PLEKHG3: variants seen among roughly 807,000 people sequenced by gnomAD.
PLEKHG3 encodes the protein pleckstrin homology domain-containing family G member 3.
PLEKHG3 carries 62 observed loss-of-function variants against 94.9 expected under a neutral mutation model. The ratio of observed to expected loss-of-function variants is 0.65; its 90% CI spans 0.53 to 0.81. The LOEUF (loss-of-function observed/expected upper bound fraction) is 0.81, where lower values mean the gene tolerates loss of function less well. Among genes scored for constraint, PLEKHG3 ranks in the 30% least tolerant of loss-of-function variants. The probability of loss-of-function intolerance (pLI) is 0.00; values close to 1 mark genes in which losing one functional copy is unlikely to be tolerated. For synonymous variants in PLEKHG3, 614 were observed against 654.0 expected, an observed-to-expected ratio of 0.94 and a Z score of 0.93; for missense variants, 1,461 against 1,619.3, an observed-to-expected ratio of 0.90 and a Z score of 1.68.
rs1253264339 is a variant in PLEKHG3 at position 64,721,091 on chromosome 14, G to A, written c.-39-6502G>A. On this transcript the variant is annotated intron_variant, in intron 1 of 16. Transcript: ENST00000247226. This position sits in a 1 kb window ranked among gnomAD's most constrained non-coding sequence, Gnocchi z 4.3. ...TCTATGTGTCCCTTTTGCCATATAA[G>A]GTGACATTCATAGGTTGAGGGTCAG... is the stretch of plus-strand genomic sequence containing the variant. 6.6e-6 allele frequency among the ~76,000 whole-genome samples: 1 copy of A among 152,192 alleles called. No individual in the cohort carries two copies. The highest frequency in any genetic ancestry group is 2.4e-5 in the African/African-American group (1 of 41,438).
chr14:64,737,025 T>C (rs2081584668), intron 13 of PLEKHG3, 134 bp downstream of exon 13: 3 of 766,068 alleles, frequency 3.9e-6, no homozygotes, highest in African/African-American at 3.4e-5. Context: ...TCTGCCTCCA[T>C]TCCCCCCAGA....
intron 1 of PLEKHG3, among the ~76,000 whole-genome samples, chr14:64,707,956 G>T (rs1404839306): frequency 1.3e-5 from 2 of 152,246 alleles, no homozygotes; most frequent in Non-Finnish European, 2.9e-5. Flanking sequence ...GCTTAGCAAA[G>T]ACTATAGAGA....
chr14:64,737,218 G>A lies in PLEKHG3; in HGVS notation c.1385-138G>A, dbSNP rs2081588621. ...TTGAAAGCCCAGGAGACTAGGTGAG[G>A]GTTCTGGGAGCAGGAGCCCCCAGTG... On this transcript the variant is annotated intron_variant, in intron 13 of 16. Transcript: ENST00000247226. 4 of 708,388 alleles carry A rather than the reference G, an allele frequency of 5.6e-6. No homozygotes were observed. The Admixed American group carries it at 6.7e-5, about 12-fold the overall frequency. 43.9% of individuals were successfully genotyped at this position (708,388 alleles called of 1,614,324 possible). A position where few individuals can be genotyped will look rare whatever the true frequency, so the allele number is the denominator to read the frequency against.
At chr14:64,705,796 A>C (rs1471510661) in intron 1 of PLEKHG3, among the ~76,000 whole-genome samples, 1 of 152,190 alleles carries the variant, frequency 6.6e-6, no homozygotes, top group Non-Finnish European at 1.5e-5. Context: ...TGGGATCCTG[A>C]GTGATTAAAC....
rs1298024388 is a variant in PLEKHG3, at chr14:64,732,196, C to T, written c.1212+15C>T. The T allele has an allele frequency of 1.9e-6, 3 of 1,602,252 alleles. No homozygotes were observed. Among genetic ancestry groups the T allele is most frequent in the Non-Finnish European group, 2.6e-6 (3 of 1,169,192 alleles). Reference sequence around the variant, plus strand: ...TTCCCCAGAAGGTGAGTTCCCCCAGCTCCTGACTGTGTGCAAGGAGAATGT... The same window carrying T: ...TTCCCCAGAAGGTGAGTTCCCCCAGTTCCTGACTGTGTGCAAGGAGAATGT... On this transcript the variant is annotated intron_variant, in intron 10 of 16. Coordinates refer to ENST00000247226, the MANE Select transcript of PLEKHG3 (RefSeq NM_001308147.2). The surrounding 1 kb of genome is among the most constrained non-coding windows in gnomAD (Gnocchi z 4.9).
Position 64,749,296 on chromosome 14 carries a change from GCCCCAC to G in PLEKHG3, c.*5595_*5600del. 1.3e-6 allele frequency: 2 copies of G among 1,590,818 alleles called. No individual in the cohort carries two copies. Among genetic ancestry groups the G allele is most frequent in the Non-Finnish European group, 1.7e-6 (2 of 1,171,322 alleles). On this transcript the variant is annotated 3_prime_UTR_variant, in exon 17 of 17. Transcript: ENST00000247226. This position sits in a 1 kb window ranked among gnomAD's most constrained non-coding sequence, Gnocchi z 4.7. ...CGTCCCGACTCCGCCGCGCCCGCCA[GCCCCAC>G]CTGCTACTTCTTTTTGGGGAAGAAG...
rs1394298379 is a variant in PLEKHG3 at position 64,715,829 on chromosome 14, T to G, written c.-40+11125T>G. The stretch of plus-strand genomic sequence containing the variant: ...GCAGAATTGTGTCGGGAAGTTGCAT[T>G]TCCTGGGCTAGGGCCCCCCAGCAAT... On this transcript the variant is annotated intron_variant, in intron 1 of 16. Coordinates refer to ENST00000247226, the MANE Select transcript of PLEKHG3 (RefSeq NM_001308147.2). The surrounding 1 kb of genome is among the most constrained non-coding windows in gnomAD (Gnocchi z 4.4). The G allele has an allele frequency of 2.9e-6, 1 of 341,400 alleles. No individual in the cohort carries two copies. Among genetic ancestry groups the G allele is most frequent in the Non-Finnish European group, 5.8e-6 (1 of 172,618 alleles). The allele number at this position is 341,400 out of a possible 1,614,324, so 21.1% of individuals were successfully genotyped here.
At chr14:64,724,890 G>A (rs1473635020) in intron 1 of PLEKHG3, among the ~76,000 whole-genome samples, 1 of 152,224 alleles carries the variant, frequency 6.6e-6, no homozygotes, top group Non-Finnish European at 1.5e-5. Context: ...TGTATAAAAT[G>A]AGGGTAGTAA....
At chr14:64,736,777 C>T (rs945962198) in intron 12 of PLEKHG3, 76 bp from the exon 13 acceptor site, 108 of 1,042,488 alleles carry the variant, frequency 1.0e-4, no homozygotes, top group Non-Finnish European at 7.0e-5. Context: ...GGGCTGGTGG[C>T]GCTGTGAGCT....
rs1191221511 is a variant in PLEKHG3 at position 64,730,183 on chromosome 14, C to T, written c.450-60C>T. Reference sequence around the variant, plus strand: ...AGGGTTTGGGAGGTTGGGGAGGGGGCAGTGAGGGGCATTGTCCTCTGACTG... The same window carrying T: ...AGGGTTTGGGAGGTTGGGGAGGGGGTAGTGAGGGGCATTGTCCTCTGACTG... On this transcript the variant is annotated intron_variant, in intron 3 of 16. Coordinates refer to ENST00000247226, the MANE Select transcript of PLEKHG3 (RefSeq NM_001308147.2). This position sits in a 1 kb window ranked among gnomAD's most constrained non-coding sequence, Gnocchi z 5.4. 1.9e-5 allele frequency: 17 copies of T among 882,568 alleles called. No homozygotes were observed. The highest frequency in any genetic ancestry group is 3.1e-5 in the Non-Finnish European group (17 of 552,126). The allele number at this position is 882,568 out of a possible 1,614,324, so 54.7% of individuals were successfully genotyped here. A position where few individuals can be genotyped will look rare whatever the true frequency, so the allele number is the denominator to read the frequency against.
Position 64,717,148 on chromosome 14 carries a change from T to A in PLEKHG3, c.-39-10445T>A, listed in dbSNP as rs949967227. Among the ~76,000 whole-genome samples, 21 of 151,594 alleles carry A rather than the reference T, an allele frequency of 1.4e-4. No individual in the cohort carries two copies. Among genetic ancestry groups the A allele is most frequent in the South Asian group, 4.1e-4 (2 of 4,820 alleles). On this transcript the variant is annotated intron_variant, in intron 1 of 16. Coordinates refer to ENST00000247226, the MANE Select transcript of PLEKHG3 (RefSeq NM_001308147.2). The surrounding 1 kb of genome is among the most constrained non-coding windows in gnomAD (Gnocchi z 4.7). ...GTGTGTGTGTGTGTGTGTGTGTGTG[T>A]GAGTCCATAAGGTCTGCTTTGGAAA...
rs1431103191 is a variant in PLEKHG3, at chr14:64,720,279, T to A, written c.-39-7314T>A. Among the ~76,000 whole-genome samples the A allele has an allele frequency of 6.6e-6, 1 of 152,240 alleles. No homozygotes were observed. The highest frequency in any genetic ancestry group is 1.5e-5 in the Non-Finnish European group (1 of 68,046). ...GCAGCTATGCCGTGCTCTAGCTCCCTGTCTGGGGCCAAGTAGGATGGGACT... is the reference window on the plus strand; with the variant it reads ...GCAGCTATGCCGTGCTCTAGCTCCCAGTCTGGGGCCAAGTAGGATGGGACT... On this transcript the variant is annotated intron_variant, in intron 1 of 16. Transcript: ENST00000247226. The surrounding 1 kb of genome is among the most constrained non-coding windows in gnomAD (Gnocchi z 4.1).
Position 64,732,738 on chromosome 14 carries a change from A to G in PLEKHG3, c.1247-65A>G. ...TATAGAGGTCTGGCTGGTTATGGAC[A>G]GGGTCTAGGGTAGGCCAAGGCCAAT... is the stretch of plus-strand genomic sequence containing the variant. On this transcript the variant is annotated intron_variant, in intron 11 of 16. Coordinates refer to ENST00000247226, the MANE Select transcript of PLEKHG3 (RefSeq NM_001308147.2). The surrounding 1 kb of genome is among the most constrained non-coding windows in gnomAD (Gnocchi z 4.9). 8.0e-7 allele frequency: 1 copy of G among 1,248,828 alleles called. No individual in the cohort carries two copies. The highest frequency in any genetic ancestry group is 1.5e-5 in the African/African-American group (1 of 67,792). The allele number at this position is 1,248,828 out of a possible 1,614,324, so 77.4% of individuals were successfully genotyped here.
rs568505711 is a variant in PLEKHG3 at position 64,718,277 on chromosome 14, G to C, written c.-39-9316G>C. Among the ~76,000 whole-genome samples the C allele has an allele frequency of 6.6e-6, 1 of 152,162 alleles. No homozygotes were observed. The highest frequency in any genetic ancestry group is 1.5e-5 in the Non-Finnish European group (1 of 68,024). On this transcript the variant is annotated intron_variant, in intron 1 of 16. Transcript: ENST00000247226. The surrounding 1 kb of genome is among the most constrained non-coding windows in gnomAD (Gnocchi z 5.0). ...GGCCATTTTTCCTTCTGAAGTTCAA[G>C]TTCTTCAAAGACAGGGACAATGTCT...
intron 12 of PLEKHG3, among the ~76,000 whole-genome samples, chr14:64,735,124 T>G (rs2081545995): frequency 6.6e-6 from 1 of 152,316 alleles, no homozygotes; most frequent in Admixed American, 6.5e-5. Flanking sequence ...GAGTTAATGC[T>G]ACAGCATCAC....
At chr14:64,709,125 A>G (rs998605128) in intron 1 of PLEKHG3, among the ~76,000 whole-genome samples, 4 of 152,322 alleles carry the variant, frequency 2.6e-5, no homozygotes, top group East Asian at 1.9e-4. Context: ...CTGGGTTGCT[A>G]TCTGGGGACA....
Position 64,749,680 on chromosome 14 carries a change from C to G in PLEKHG3, c.*5977C>G. 1 of 1,613,856 alleles carries G rather than the reference C, an allele frequency of 6.2e-7. No homozygotes were observed. Among genetic ancestry groups the G allele is most frequent in the Non-Finnish European group, 8.5e-7 (1 of 1,179,978 alleles). On this transcript the variant is annotated 3_prime_UTR_variant, in exon 17 of 17. Coordinates refer to ENST00000247226, the MANE Select transcript of PLEKHG3 (RefSeq NM_001308147.2). The surrounding 1 kb of genome is among the most constrained non-coding windows in gnomAD (Gnocchi z 4.7). ...TCATCCTTGCCATGGAAGAGCCACT[C>G]GCTGCCATTACTCAGCCTAGGAGGA...
At chr14:64,711,057 C>T (rs953893580) in intron 1 of PLEKHG3, among the ~76,000 whole-genome samples, 1 of 152,198 alleles carries the variant, frequency 6.6e-6, no homozygotes, top group African/African-American at 2.4e-5. Context: ...AATAATATCA[C>T]TAATCCTTTA....
Position 64,749,704 on chromosome 14 carries a change from G to A in PLEKHG3, c.*6001G>A, listed in dbSNP as rs919844077. Reference sequence around the variant, plus strand: ...TCGCTGCCATTACTCAGCCTAGGAGGACAAAGGGTTTCCTGTCATGGAGAC... The same window carrying A: ...TCGCTGCCATTACTCAGCCTAGGAGAACAAAGGGTTTCCTGTCATGGAGAC... On this transcript the variant is annotated 3_prime_UTR_variant, in exon 17 of 17. Coordinates refer to ENST00000247226, the MANE Select transcript of PLEKHG3 (RefSeq NM_001308147.2). This position sits in a 1 kb window ranked among gnomAD's most constrained non-coding sequence, Gnocchi z 4.7. 6.2e-7 allele frequency: 1 copy of A among 1,613,638 alleles called. No individual in the cohort carries two copies. The highest frequency in any genetic ancestry group is 8.5e-7 in the Non-Finnish European group (1 of 1,179,872).
Sources: gnomAD v4.1 joint callset for allele counts (sites outside exome capture counted in the v4.1 genomes callset) on GRCh38, gnomAD v4.1.1 for gene constraint, Gnocchi (gnomAD v3.1) non-coding constraint, MANE v1.5 for transcripts, NCBI Gene and HGNC (gene_info 2026-07-23, HGNC 2026-07-21) for gene names.